Variants in WDR4 observed in about 807,000 individuals in gnomAD.
WDR4 encodes tRNA (guanine-N(7)-)-methyltransferase non-catalytic subunit WDR4.
A neutral mutation model predicts 48.6 loss-of-function variants in WDR4; 47 were observed. The observed-to-expected ratio is 0.97, with a 90% confidence interval of 0.77 to 1.23. The LOEUF is 1.23. Among genes scored for constraint, WDR4 ranks in the 50% most tolerant of loss-of-function variants. The probability of loss-of-function intolerance (pLI) is 0.00; values close to 1 mark genes in which losing one functional copy is unlikely to be tolerated. For missense variants in WDR4, 606 were observed against 551.6 expected (o/e 1.10, Z -0.99); for synonymous variants, 268 against 230.0 (o/e 1.17, Z -1.49).
chr21:42,873,963 T>TC (rs1337664786), intron 2 of WDR4, among the ~76,000 whole-genome samples: 1 of 152,128 alleles, frequency 6.6e-6, no homozygotes, highest in African/African-American at 2.4e-5. Context: ...CACATGGCCC[T>TC]CTTCCTCATG....
chr21:42,890,352 G>A, the WDR4 span, among the ~76,000 whole-genome samples: 1 of 152,028 alleles, frequency 6.6e-6, no homozygotes, highest in African/African-American at 2.4e-5. Context: ...TGACCAACAT[G>A]GTGAAACCCT....
At chr21:42,871,064 C>T (rs1180422898) in intron 3 of WDR4, among the ~76,000 whole-genome samples, 3 of 152,134 alleles carry the variant, frequency 2.0e-5, no homozygotes, top group Admixed American at 6.6e-5. Flanking sequence ...ATAGCCCTGA[C>T]CCCATCTGAC....
At chr21:42,879,851 G>A, upstream of WDR4, 6 of 402,800 alleles carry the variant, frequency 1.5e-5, no homozygotes, top group Non-Finnish European at 2.6e-5. Context: ...CCTGATGATG[G>A]CTACTAGATG....
chr21:42,888,935 C>T, the WDR4 span, among the ~76,000 whole-genome samples: 1 of 151,774 alleles, frequency 6.6e-6, no homozygotes, highest in African/African-American at 2.4e-5. Context: ...AACTCCATAC[C>T]TCAGGTGATC....
the WDR4 span, among the ~76,000 whole-genome samples, chr21:42,889,356 G>A: frequency 2.0e-5 from 3 of 152,166 alleles, no homozygotes; most frequent in African/African-American, 7.2e-5. Flanking sequence ...TCAAACTTAA[G>A]TAAGAATAGG....
At chr21:42,846,975 T>G (rs1429365411), downstream of WDR4, among the ~76,000 whole-genome samples, 1 of 150,106 alleles carries the variant, frequency 6.7e-6, no homozygotes, top group Non-Finnish European at 1.5e-5. Flanking sequence ...GAGGTGGAGG[T>G]TGCAGTGAGC....
At chr21:42,892,202 C>A in the WDR4 span, among the ~76,000 whole-genome samples, 1 of 149,642 alleles carries the variant, frequency 6.7e-6, no homozygotes, top group Non-Finnish European at 1.5e-5. Context: ...TGCAATGAGC[C>A]AAGATGGCGC....
At position 42,853,704 on chromosome 21, in the gene WDR4, C is replaced by T. The variant is rs1435254131; in HGVS notation, c.840G>A (p.Leu280=). 3 of 1,572,816 alleles carry T rather than the reference C, an allele frequency of 1.9e-6. No individual in the cohort carries two copies. The highest frequency in any genetic ancestry group is 2.6e-6 in the Non-Finnish European group (3 of 1,159,112). The change falls in exon 9 of 11, where the codon TTG becomes TTA. Residue 280 remains leucine (L), a synonymous_variant. Coordinates refer to ENST00000398208, the MANE Select transcript of WDR4 (RefSeq NM_018669.6). The part of the protein sequence containing the change: ...IFQLDARRQQ[L]VYRQQLAFQH... Reference sequence around the variant, plus strand: ...GGAACGCCAGCTGCTGCCTGTACACCAACTGCTGTCTGCGGGCGTCCAGCT... The same window carrying T: ...GGAACGCCAGCTGCTGCCTGTACACTAACTGCTGTCTGCGGGCGTCCAGCT...
chr21:42,880,131 A>C (rs2058595491), upstream of WDR4, among the ~76,000 whole-genome samples: 1 of 129,728 alleles, frequency 7.7e-6, no homozygotes, highest in African/African-American at 3.6e-5. Context: ...ACTCTCTCTC[A>C]AAAAAAAAAA....
At chr21:42,859,268 A>G (rs567821780) in intron 6 of WDR4, among the ~76,000 whole-genome samples, 104 of 152,044 alleles carry the variant, frequency 6.8e-4, no homozygotes, top group Non-Finnish European at 1.2e-3. Context: ...AAGAAAGAAA[A>G]AAAGGAAAGA....
chr21:42,877,138 ATTTTTTTT>A (rs35841350), intron 1 of WDR4, among the ~76,000 whole-genome samples: 4 of 97,380 alleles, frequency 4.1e-5, no homozygotes, highest in African/African-American at 1.7e-4. Flanking sequence ...CCTGGCCCTA[ATTTTTTTT>A]TTTTTTTTTT....
chr21:42,852,084 G>T (rs1326149267), intron 10 of WDR4, among the ~76,000 whole-genome samples, 171 bp downstream of exon 10: 1 of 152,192 alleles, frequency 6.6e-6, no homozygotes, highest in Non-Finnish European at 1.5e-5. Flanking sequence ...TTCTTCTGCT[G>T]TGCGTCACCC....
intron 2 of WDR4, among the ~76,000 whole-genome samples, chr21:42,874,656 T>G (rs938894424): frequency 3.9e-5 from 6 of 151,988 alleles, no homozygotes; most frequent in African/African-American, 1.5e-4. Flanking sequence ...TGGTCGAGAC[T>G]GTAGGGATGA....
chr21:42,862,460 T>A lies in WDR4; in HGVS notation c.454-66A>T. 6.9e-7 allele frequency: 1 copy of A among 1,452,770 alleles called. No individual in the cohort carries two copies. The highest frequency in any genetic ancestry group is 2.5e-5 in the East Asian group (1 of 40,498). The allele number at this position is 1,452,770 out of a possible 1,614,324, so 90.0% of individuals were successfully genotyped here. On this transcript the variant is annotated intron_variant, in intron 4 of 10. Coordinates refer to ENST00000398208, the MANE Select transcript of WDR4 (RefSeq NM_018669.6). The surrounding 1 kb of genome is among the most constrained non-coding windows in gnomAD (Gnocchi z 4.3). ...GAGTCTTCCCGAATCAAGTCCCTCA[T>A]GGAAGAAGGCAGGGAAGCTGCAGCC...
chr21:42,873,372 C>T (rs576524376), intron 3 of WDR4, among the ~76,000 whole-genome samples, 179 bp downstream of exon 3: 2 of 152,256 alleles, frequency 1.3e-5, no homozygotes, highest in Admixed American at 6.5e-5. Flanking sequence ...CCAGAACTGC[C>T]GTGAGGATCA....
intron 3 of WDR4, among the ~76,000 whole-genome samples, chr21:42,872,079 G>A (rs552656562): frequency 6.6e-6 from 1 of 152,066 alleles, no homozygotes; most frequent in East Asian, 1.9e-4. Flanking sequence ...CCGCCTCCCA[G>A]GTTCGGGAGA....
chr21:42,876,748 T>G lies in WDR4; in HGVS notation c.109A>C (p.Ile37Leu), dbSNP rs374493346. 2 of 1,613,516 alleles carry G rather than the reference T, an allele frequency of 1.2e-6. No homozygotes were observed. Among genetic ancestry groups the G allele is most frequent in the African/African-American group, 1.3e-5 (1 of 74,906 alleles). The change falls in exon 2 of 11, where the codon ATC (isoleucine) becomes CTC (leucine). Residue 37 changes from isoleucine (I) to leucine (L), a missense_variant. By Grantham distance (5) the Ile-to-Leu change is conservative. Coordinates refer to ENST00000398208, the MANE Select transcript of WDR4 (RefSeq NM_018669.6). ...IASSDDDSLF[I>L]YDCSAAEKKS... ...TTTTCTGCAGCACTGCAGTCATAGA[T>G]GAAGAGGCTGTCATCATCACTAAAG...
chr21:42,874,658 T>C (rs1437699789), intron 2 of WDR4, among the ~76,000 whole-genome samples: 3 of 151,986 alleles, frequency 2.0e-5, no homozygotes, highest in African/African-American at 2.4e-5. Flanking sequence ...GTCGAGACTG[T>C]AGGGATGAAA....
At chr21:42,877,899 G>C (rs1164076692) in intron 1 of WDR4, among the ~76,000 whole-genome samples, 1 of 151,972 alleles carries the variant, frequency 6.6e-6, no homozygotes, top group Non-Finnish European at 1.5e-5. Flanking sequence ...TAAAAAATTA[G>C]CCAGGCATGG....
Sources: gnomAD v4.1 joint callset for allele counts (sites outside exome capture counted in the v4.1 genomes callset) on GRCh38, gnomAD v4.1.1 for gene constraint, Gnocchi (gnomAD v3.1) non-coding constraint, MANE v1.5 for transcripts, NCBI Gene and HGNC (gene_info 2026-07-23, HGNC 2026-07-21) for gene names.